HRH2: variants seen among roughly 807,000 people sequenced by gnomAD.
HRH2 encodes the protein histamine receptor H2.
Under a neutral mutation model 20.1 loss-of-function variants are expected in HRH2, and 4 were observed. The observed-to-expected ratio is 0.20, with a 90% CI of 0.10 to 0.45. The LOEUF (loss-of-function observed/expected upper bound fraction) is 0.45. HRH2 is among the 20% of genes least tolerant of loss of function. HRH2 has a pLI of 0.99. For missense variants in HRH2, 250 were observed against 461.6 expected, an observed-to-expected ratio of 0.54 and a Z score of 4.20; for synonymous variants, 197 against 200.7, an observed-to-expected ratio of 0.98 and a Z score of 0.16.
rs980153456 is a variant in HRH2 at position 175,703,174 on chromosome 5, T to C, written c.1077-4605T>C. Among the ~76,000 whole-genome samples the C allele has an allele frequency of 7.2e-5, 11 of 152,304 alleles. 1 individual carries two copies. Among genetic ancestry groups the C allele is most frequent in the Admixed American group, 5.9e-4 (9 of 15,296 alleles). On this transcript the variant is annotated intron_variant, in intron 2 of 2. Transcript: ENST00000636584. The stretch of plus-strand genomic sequence containing the variant: ...ATTCCTTTCAGGCACACATGGAATA[T>C]TTAAAAAGCTGGCCATGTGTTAGGT...
At chr5:175,691,934 C>T (rs2113535719) in intron 2 of HRH2, among the ~76,000 whole-genome samples, 1 of 152,076 alleles carries the variant, frequency 6.6e-6, no homozygotes, top group South Asian at 2.1e-4. Flanking sequence ...AAGGCCCTTC[C>T]TCCAGGGGAC....
chr5:175,695,010 C>T (rs1470621140), intron 2 of HRH2, among the ~76,000 whole-genome samples: 2 of 152,120 alleles, frequency 1.3e-5, no homozygotes, highest in Non-Finnish European at 2.9e-5. Flanking sequence ...GAAATTGTCT[C>T]TGCCCTCACC....
chr5:175,694,675 C>T (rs937915803), intron 2 of HRH2, among the ~76,000 whole-genome samples: 2 of 152,158 alleles, frequency 1.3e-5, no homozygotes, highest in African/African-American at 4.8e-5. Context: ...CTCCTAGCTG[C>T]TATTTCTGTT....
At chr5:175,659,209 C>T (rs994522917) in intron 1 of HRH2, among the ~76,000 whole-genome samples, 2 of 152,112 alleles carry the variant, frequency 1.3e-5, no homozygotes, top group Non-Finnish European at 2.9e-5. Context: ...TAAGACATGA[C>T]GTCTCTCAGA....
intron 1 of HRH2, among the ~76,000 whole-genome samples, chr5:175,664,973 T>G (rs947728261): frequency 6.6e-6 from 1 of 152,126 alleles, no homozygotes; most frequent in Non-Finnish European, 1.5e-5. Flanking sequence ...ATAGAGGCGA[T>G]CCGGTTTGCA....
In HRH2 at chr5:175,708,061, G is replaced by A. The variant is rs1757001375; in HGVS notation, c.*90G>A. The A allele has an allele frequency of 2.5e-6, 1 of 398,620 alleles. No homozygotes were observed. The highest frequency in any genetic ancestry group is 4.4e-6 in the Non-Finnish European group (1 of 226,162). The allele number at this position is 398,620 out of a possible 1,614,324, so 24.7% of individuals were successfully genotyped here. On this transcript the variant is annotated 3_prime_UTR_variant, in exon 3 of 3. Transcript: ENST00000636584. ...AGGACCCAGTCTCCAAAGCCACCAA[G>A]GACTCACCCTGGACTGAATCTGGGG...
chr5:175,664,981 G>A (rs1475227018), intron 1 of HRH2, among the ~76,000 whole-genome samples: 1 of 152,200 alleles, frequency 6.6e-6, no homozygotes, highest in Non-Finnish European at 1.5e-5. Flanking sequence ...GATCCGGTTT[G>A]CATTTTCTAA....
At chr5:175,699,764 A>G (rs1477280933) in intron 2 of HRH2, among the ~76,000 whole-genome samples, 1 of 152,120 alleles carries the variant, frequency 6.6e-6, no homozygotes, top group East Asian at 1.9e-4. Context: ...TAGTAGAGAC[A>G]GGGTTTCACC....
Position 175,709,769 on chromosome 5 carries a change from AC to A in HRH2, c.*1803del, listed in dbSNP as rs1287554715. The A allele has an allele frequency of 1.3e-5, 2 of 149,498 alleles. No homozygotes were observed. Among genetic ancestry groups the A allele is most frequent in the East Asian group, 2.0e-4 (1 of 5,038 alleles). The allele number at this position is 149,498 out of a possible 1,614,324, so 9.3% of individuals were successfully genotyped here. A position where few individuals can be genotyped will look rare whatever the true frequency, so the allele number is the denominator to read the frequency against. ...CAGCACTCTCGCCCCCACCCAGTCCACCCCCTACCTGACAGCCAGAGTGGGC... is the reference window on the plus strand; with the variant it reads ...CAGCACTCTCGCCCCCACCCAGTCCACCCCTACCTGACAGCCAGAGTGGGC... On this transcript the variant is annotated 3_prime_UTR_variant, in exon 3 of 3. Transcript: ENST00000636584.
At chr5:175,662,444 A>G (rs1334028813) in intron 1 of HRH2, among the ~76,000 whole-genome samples, 3 of 152,174 alleles carry the variant, frequency 2.0e-5, no homozygotes, top group Non-Finnish European at 2.9e-5. Context: ...CCAAATGTCA[A>G]TAGTGCCGAG....
chr5:175,701,900 G>A (rs1248379315), intron 2 of HRH2, among the ~76,000 whole-genome samples: 2 of 152,232 alleles, frequency 1.3e-5, no homozygotes, highest in Admixed American at 1.3e-4. Context: ...AGCTTCCAGT[G>A]TTCTGGCTCA....
rs112865929 is a variant in HRH2, at chr5:175,695,169, C to T, written c.1076+10860C>T. On this transcript the variant is annotated intron_variant, in intron 2 of 2. Transcript: ENST00000636584. ...TCTCATGCTGCCCAGCACGTTGACC[C>T]TCTCCCAACAACTACCTGGTAATTG... Among the ~76,000 whole-genome samples the T allele has an allele frequency of 2.1e-3, 321 of 152,232 alleles. 3 individuals carry two copies. Among genetic ancestry groups the T allele is most frequent in the African/African-American group, 7.5e-3 (311 of 41,552 alleles).
intron 1 of HRH2, among the ~76,000 whole-genome samples, chr5:175,666,372 T>C (rs6864183): frequency 0.52 from 78,630 of 152,060 alleles, 20,489 homozygotes; most frequent in East Asian, 0.58. Context: ...CGAGTTCAGT[T>C]AAGTCTGCAA....
Position 175,683,373 on chromosome 5 carries a change from G to A in HRH2, c.140G>A (p.Arg47His), listed in dbSNP as rs1396794379. The stretch of plus-strand genomic sequence containing the variant: ...GTCTGTCTGGCCGTGGGCTTGAACC[G>A]CCGGCTCCGCAACCTGACCAATTGT... Reference protein sequence around the residue: ...VVVCLAVGLNRRLRNLTNCFI... With the variant: ...VVVCLAVGLNHRLRNLTNCFI... The change falls in exon 2 of 3, where the codon CGC (arginine) becomes CAC (histidine). Residue 47 changes from arginine (R) to histidine (H), a missense_variant. Coordinates refer to ENST00000636584, the MANE Select transcript of HRH2 (RefSeq NM_001367711.1). 5 of 1,614,042 alleles carry A rather than the reference G, an allele frequency of 3.1e-6. No individual in the cohort carries two copies. Among genetic ancestry groups the A allele is most frequent in the East Asian group, 2.2e-5 (1 of 44,892 alleles).
At chr5:175,680,800 G>C (rs1755937056) in intron 1 of HRH2, among the ~76,000 whole-genome samples, 1 of 152,190 alleles carries the variant, frequency 6.6e-6, no homozygotes, top group Non-Finnish European at 1.5e-5. Context: ...GAATACAGCA[G>C]AAGTGGTGCT....
intron 1 of HRH2, among the ~76,000 whole-genome samples, chr5:175,662,213 G>C (rs1215330856): frequency 6.6e-6 from 1 of 152,054 alleles, no homozygotes; most frequent in African/African-American, 2.4e-5. Context: ...GATCAGGAAG[G>C]ATAAGCAGGA....
intron 1 of HRH2, among the ~76,000 whole-genome samples, chr5:175,665,492 G>A (rs1762861308): frequency 6.6e-6 from 1 of 152,196 alleles, no homozygotes; most frequent in African/African-American, 2.4e-5. Flanking sequence ...GGAGTGGGCA[G>A]GAGGGGCATC....
At chr5:175,698,242 G>A (rs546476610) in intron 2 of HRH2, among the ~76,000 whole-genome samples, 11 of 152,254 alleles carry the variant, frequency 7.2e-5, no homozygotes, top group Non-Finnish European at 1.5e-4. Flanking sequence ...GAGACCAGCA[G>A]CCCTGCCCAG....
intron 1 of HRH2, among the ~76,000 whole-genome samples, chr5:175,667,222 T>A (rs960001041): frequency 2.0e-5 from 3 of 152,080 alleles, no homozygotes; most frequent in African/African-American, 7.2e-5. Context: ...GGCAGGCAGA[T>A]CACCTGAGGT....
Sources: allele counts gnomAD v4.1 joint callset (sites outside exome capture counted in the v4.1 genomes callset), GRCh38; gene constraint gnomAD v4.1.1; transcripts MANE v1.5; gene names NCBI Gene and HGNC (gene_info 2026-07-23, HGNC 2026-07-21).